Variants in SMOC2 observed in about 807,000 individuals in gnomAD.
SMOC2 encodes SPARC related modular calcium binding 2, also known as SPARC-related modular calcium-binding protein 2.
Under a neutral mutation model 61.4 loss-of-function variants are expected in SMOC2, and 39 were observed. That is an observed-to-expected ratio of 0.64 (90% CI 0.49 to 0.83). SMOC2 has a LOEUF of 0.83. Ranked by LOEUF, SMOC2 falls within the 40% of genes least tolerant of loss-of-function variation. The probability of loss-of-function intolerance (pLI) is 0.00; values close to 1 mark genes in which losing one functional copy is unlikely to be tolerated. For synonymous variants in SMOC2, 247 were observed against 239.9 expected (o/e 1.03, Z -0.27); for missense variants, 556 against 592.9 (o/e 0.94, Z 0.65).
chr6:168,442,156 C>T (rs1164131731), intron 1 of SMOC2, among the ~76,000 whole-genome samples: 1 of 152,260 alleles, frequency 6.6e-6, no homozygotes, highest in Admixed American at 6.5e-5. Flanking sequence ...CGCTTTCTTC[C>T]CTTCTCAGGA....
intron 2 of SMOC2, among the ~76,000 whole-genome samples, chr6:168,516,962 AG>A: frequency 6.6e-6 from 1 of 152,256 alleles, no homozygotes; most frequent in Admixed American, 6.5e-5. Flanking sequence ...TGAAGAAAAA[AG>A]GTTACTGCCA....
intron 11 of SMOC2, 77 bp downstream of exon 11, chr6:168,653,305 A>G: frequency 9.3e-6 from 14 of 1,500,444 alleles, no homozygotes; most frequent in Non-Finnish European, 1.3e-5. Context: ...CACAAACACA[A>G]TTACAGATTG....
intron 7 of SMOC2, among the ~76,000 whole-genome samples, chr6:168,575,295 G>A (rs1296747995): frequency 1.3e-5 from 2 of 152,170 alleles, no homozygotes; most frequent in African/African-American, 2.4e-5. Flanking sequence ...CATTTCGGAT[G>A]TTTCCTGCAG....
chr6:168,536,238 C>T (rs1332651420), intron 4 of SMOC2, among the ~76,000 whole-genome samples: 1 of 152,186 alleles, frequency 6.6e-6, no homozygotes, highest in African/African-American at 2.4e-5. Context: ...ACCATCTCAA[C>T]ACGGGATCCT....
At chr6:168,659,502 G>GA (rs1478496814) in intron 11 of SMOC2, among the ~76,000 whole-genome samples, 13 of 25,334 alleles carry the variant, frequency 5.1e-4, no homozygotes, top group African/African-American at 1.0e-3. Flanking sequence ...TATAGTATTG[G>GA]TGAGGGTGGA....
chr6:168,441,981 G>A (rs1437375744), intron 1 of SMOC2, among the ~76,000 whole-genome samples: 1 of 152,240 alleles, frequency 6.6e-6, no homozygotes, highest in Non-Finnish European at 1.5e-5. Flanking sequence ...ACCGCTTTGG[G>A]CTCGTGCGCC....
At chr6:168,658,091 G>T (rs1254167092) in intron 11 of SMOC2, among the ~76,000 whole-genome samples, 2 of 152,298 alleles carry the variant, frequency 1.3e-5, no homozygotes, top group East Asian at 3.9e-4. Context: ...GAGGCCTGGG[G>T]GACTGATGGG....
intron 11 of SMOC2, among the ~76,000 whole-genome samples, chr6:168,659,515 T>G (rs1431176602): frequency 1.3e-4 from 19 of 150,934 alleles, no homozygotes; most frequent in African/African-American, 1.9e-4. Context: ...AGGGTGGAGG[T>G]TGTAGGTTGG....
At chr6:168,559,282 C>G (rs1371338862) in intron 7 of SMOC2, among the ~76,000 whole-genome samples, 1 of 151,832 alleles carries the variant, frequency 6.6e-6, no homozygotes, top group Admixed American at 6.6e-5. Context: ...ATGGTGAAAC[C>G]CGGTCTCTAC....
At chr6:168,636,936 ACCTCCCTCTTCCCTCCTCTTT>A (rs1240511308) in intron 9 of SMOC2, among the ~76,000 whole-genome samples, 10 of 37,038 alleles carry the variant, frequency 2.7e-4, no homozygotes, top group South Asian at 1.1e-3. Flanking sequence ...CCCCCTCCCC[ACCTCCCTCTTCCCTCCTCTTT>A]CCTCCCTCCT....
At chr6:168,470,817 A>G (rs535310145) in intron 1 of SMOC2, among the ~76,000 whole-genome samples, 1 of 152,328 alleles carries the variant, frequency 6.6e-6, no homozygotes, top group East Asian at 1.9e-4. Context: ...ATGGAATAGA[A>G]ATTTGTTTCT....
chr6:168,639,890 T>A (rs1583180080), intron 9 of SMOC2, among the ~76,000 whole-genome samples: 1 of 152,204 alleles, frequency 6.6e-6, no homozygotes, highest in Admixed American at 6.5e-5. Flanking sequence ...GATGCTAGAA[T>A]GGGGCCAGCC....
chr6:168,542,784 T>A (rs1301937143), intron 4 of SMOC2, among the ~76,000 whole-genome samples: 1 of 152,100 alleles, frequency 6.6e-6, no homozygotes, highest in African/African-American at 2.4e-5. Context: ...AAGATAAACA[T>A]CCTCAAAATG....
intron 9 of SMOC2, among the ~76,000 whole-genome samples, chr6:168,644,550 G>C (rs1182017532): frequency 6.6e-6 from 1 of 152,094 alleles, no homozygotes. Flanking sequence ...TTCAGGGTCA[G>C]GGAGAAACTA....
intron 1 of SMOC2, among the ~76,000 whole-genome samples, chr6:168,492,059 A>G (rs1279643897): frequency 6.6e-6 from 1 of 152,236 alleles, no homozygotes; most frequent in Non-Finnish European, 1.5e-5. Flanking sequence ...TGCATCTGGC[A>G]TTACTAATGC....
At chr6:168,639,368 G>A (rs998539099) in intron 9 of SMOC2, among the ~76,000 whole-genome samples, 5 of 152,128 alleles carry the variant, frequency 3.3e-5, no homozygotes, top group Non-Finnish European at 7.4e-5. Context: ...AAATCAATGA[G>A]GGAAATGCTT....
chr6:168,519,210 CGT>C (rs1349595594), intron 2 of SMOC2, among the ~76,000 whole-genome samples: 2 of 110,830 alleles, frequency 1.8e-5, no homozygotes, highest in Non-Finnish European at 4.2e-5. Flanking sequence ...TGTATGCATG[CGT>C]GTGTGAGAGA....
rs1379320351 is a variant in SMOC2, at chr6:168,475,360, C to A, written c.84+33906C>A. 6.6e-6 allele frequency among the ~76,000 whole-genome samples: 1 copy of A among 152,110 alleles called. No homozygotes were observed. The highest frequency in any genetic ancestry group is 1.5e-5 in the Non-Finnish European group (1 of 68,016). On this transcript the variant is annotated intron_variant, in intron 1 of 12. Transcript: ENST00000356284. This position sits in a 1 kb window ranked among gnomAD's most constrained non-coding sequence, Gnocchi z 4.6. ...AATTCACTCTCATTTATTCCTGAAG[C>A]ATTTGGAGAGCAGGTGCCAATGTCC...
chr6:168,556,037 G>A (rs915348232), intron 7 of SMOC2, among the ~76,000 whole-genome samples: 10 of 152,142 alleles, frequency 6.6e-5, no homozygotes, highest in African/African-American at 2.4e-4. Flanking sequence ...GGCAGGCCTG[G>A]GGCCTCGGGC....
Sources: gnomAD v4.1 joint callset for allele counts (sites outside exome capture counted in the v4.1 genomes callset) on GRCh38, gnomAD v4.1.1 for gene constraint, Gnocchi (gnomAD v3.1) non-coding constraint, MANE v1.5 for transcripts, NCBI Gene and HGNC (gene_info 2026-07-23, HGNC 2026-07-21) for gene names.